RAET1G: variants seen among roughly 807,000 people sequenced by gnomAD.
RAET1G encodes the protein retinoic acid early transcript 1G.
A neutral mutation model predicts 29.5 loss-of-function variants in RAET1G; 25 were observed. That is an observed-to-expected ratio of 0.85 (90% CI 0.62 to 1.18). The LOEUF (loss-of-function observed/expected upper bound fraction) is 1.18, where lower values mean the gene tolerates loss of function less well. RAET1G is among the 50% of genes most tolerant of loss of function. The probability of loss-of-function intolerance (pLI) is 0.00; values close to 1 mark genes in which losing one functional copy is unlikely to be tolerated. For missense variants in RAET1G, 434 were observed against 423.6 expected, an observed-to-expected ratio of 1.02 and a Z score of -0.22; for synonymous variants, 167 against 159.5, an observed-to-expected ratio of 1.05 and a Z score of -0.36.
At chr6:149,918,408 C>T (rs1223760621) in intron 3 of RAET1G, 24 bp from the exon 4 acceptor site, 1 of 1,609,084 alleles carries the variant, frequency 6.2e-7, no homozygotes, top group South Asian at 1.1e-5. Context: ...ACAAGAGTGA[C>T]AACCCTTGTC....
rs532143187 is a variant in RAET1G, at chr6:149,922,960, G to A, written c.51C>T (p.Leu17=). 2.1e-4 allele frequency: 331 copies of A among 1,605,518 alleles called. 2 individuals carry two copies. The South Asian group carries it at 3.6e-3, about 17-fold the overall frequency. The change falls in exon 1 of 5, where the codon CTC becomes CTT. Residue 17 remains leucine, a synonymous_variant. Coordinates refer to ENST00000367360, the MANE Select transcript of RAET1G (RefSeq NM_001001788.4). ...PAFLLRLPLL[L]LLSSWCRTGL... The stretch of plus-strand genomic sequence containing the variant: ...CGGTCCTGCACCAGCTGGACAGCAG[G>A]AGCAGAAGCGGGAGGCGTAGAAGGA...
chr6:149,920,867 CAG>C (rs1562480281), intron 1 of RAET1G, among the ~76,000 whole-genome samples: 1 of 152,130 alleles, frequency 6.6e-6, no homozygotes, highest in Non-Finnish European at 1.5e-5. Context: ...TTACAAGAAA[CAG>C]AGATAAAACA....
intron 1 of RAET1G, among the ~76,000 whole-genome samples, chr6:149,922,607 T>G (rs1778620544): frequency 6.6e-6 from 1 of 152,174 alleles, no homozygotes; most frequent in Admixed American, 6.5e-5. Context: ...GGGGCTCTGG[T>G]TTCTCCTTCC....
Position 149,916,988 on chromosome 6 carries a change from G to T in RAET1G, c.929C>A (p.Pro310His). 6.4e-7 allele frequency: 1 copy of T among 1,550,764 alleles called. No individual in the cohort carries two copies. Among genetic ancestry groups the T allele is most frequent in the Non-Finnish European group, 8.7e-7 (1 of 1,146,466 alleles). ...TATTGTATACAAGGCAAGAGGGCAGGGTAAGGAGTGTGAGTCGTCTCCAAT... is the reference window on the plus strand; with the variant it reads ...TATTGTATACAAGGCAAGAGGGCAGTGTAAGGAGTGTGAGTCGTCTCCAAT... ...PIIGDDSHSL[P>H]CPLALYTINN... Residue 310 changes from proline (P) to histidine (H), a missense_variant, in exon 5 of 5, where the codon CCC becomes CAC. Coordinates refer to ENST00000367360, the MANE Select transcript of RAET1G (RefSeq NM_001001788.4).
chr6:149,917,275 A>G (rs1778466091), intron 4 of RAET1G, among the ~76,000 whole-genome samples: 1 of 152,252 alleles, frequency 6.6e-6, no homozygotes, highest in Admixed American at 6.5e-5. Flanking sequence ...GGCTGCGGGC[A>G]GGCTTGACTG....
chr6:149,922,892 C>T, intron 1 of RAET1G, 34 bp downstream of exon 1: 1 of 1,521,060 alleles, frequency 6.6e-7, no homozygotes, highest in Non-Finnish European at 9.0e-7. Flanking sequence ...CACGGTTGGC[C>T]TCCGCCCCGC....
In RAET1G at chr6:149,919,334, T is replaced by C. The variant is rs1435701981; in HGVS notation, c.350-10A>G. The C allele has an allele frequency of 1.2e-6, 2 of 1,611,228 alleles. No homozygotes were observed. The highest frequency in any genetic ancestry group is 2.7e-5 in the African/African-American group (2 of 74,920). Reference sequence around the variant, plus strand: ...TGCAGGGTGAGGGGTTCTGCCCCCATCAAAGAGAGATCAGCTCTGGCCTTG... The same window carrying C: ...TGCAGGGTGAGGGGTTCTGCCCCCACCAAAGAGAGATCAGCTCTGGCCTTG... On this transcript the variant is annotated splice_polypyrimidine_tract_variant and intron_variant, in intron 2 of 4. Coordinates refer to ENST00000367360, the MANE Select transcript of RAET1G (RefSeq NM_001001788.4).
rs751786480 is a variant in RAET1G at position 149,919,268 on chromosome 6, T to C, written c.406A>G (p.Ser136Gly). 1.2e-6 allele frequency: 2 copies of C among 1,614,122 alleles called. No homozygotes were observed. The highest frequency in any genetic ancestry group is 1.7e-6 in the Non-Finnish European group (2 of 1,180,048). Reference protein sequence around the residue: ...SCEQKAEGHGSGSWQLSFDGQ... With the variant: ...SCEQKAEGHGGGSWQLSFDGQ... ...TCGAAACTGAGCTGCCAAGATCCACTGCCGTGTCCTTCGGCTTTCTGCTCA... is the reference window on the plus strand; with the variant it reads ...TCGAAACTGAGCTGCCAAGATCCACCGCCGTGTCCTTCGGCTTTCTGCTCA... The change falls in exon 3 of 5, where the codon AGT (serine) becomes GGT (glycine). Residue 136 changes from serine to glycine, a missense_variant. Transcript: ENST00000367360.
chr6:149,918,256 G>A lies in RAET1G; in HGVS notation c.760C>T (p.His254Tyr), dbSNP rs1323104363. 1.2e-6 allele frequency: 2 copies of A among 1,614,184 alleles called. No individual in the cohort carries two copies. The highest frequency in any genetic ancestry group is 1.3e-5 in the African/African-American group (1 of 75,046). ...GGAGGAGGCTGCAGGGACTGAGGGTGGTGGCCATGGCTTTGGGTCAGACTG... is the reference window on the plus strand; with the variant it reads ...GGAGGAGGCTGCAGGGACTGAGGGTAGTGGCCATGGCTTTGGGTCAGACTG... ...RHSLTQSHGH[H>Y]PQSLQPPPHP... The change falls in exon 4 of 5, where the codon CAC becomes TAC. Residue 254 changes from histidine to tyrosine, a missense_variant. By Grantham distance (83) the His-to-Tyr change is moderately conservative. Coordinates refer to ENST00000367360, the MANE Select transcript of RAET1G (RefSeq NM_001001788.4).
intron 1 of RAET1G, 60 bp downstream of exon 1, chr6:149,922,866 A>G (rs2114660847): frequency 8.0e-7 from 1 of 1,257,716 alleles, no homozygotes; most frequent in Non-Finnish European, 1.1e-6. Flanking sequence ...TCTGAAGCCC[A>G]CAGTCCACAG....
chr6:149,919,912 C>A (rs1752262864), intron 1 of RAET1G, 96 bp from the exon 2 acceptor site: 1 of 1,607,094 alleles, frequency 6.2e-7, no homozygotes, highest in Admixed American at 1.7e-5. Context: ...CTCTGGAGGG[C>A]TGGGCTGGCC....
At chr6:149,921,690 A>C (rs1778603813) in intron 1 of RAET1G, among the ~76,000 whole-genome samples, 1 of 152,276 alleles carries the variant, frequency 6.6e-6, no homozygotes, top group Non-Finnish European at 1.5e-5. Flanking sequence ...GCCACTCAGC[A>C]GCAAAGGAGG....
At position 149,919,627 on chromosome 6, in the gene RAET1G, G is replaced by T; in HGVS notation, c.275C>A (p.Pro92Gln). Residue 92 changes from proline to glutamine, a missense_variant, in exon 2 of 5, where the codon CCA (proline) becomes CAA (glutamine). Pro to Gln is a moderately conservative substitution (Grantham distance 76). Transcript: ENST00000367360. ...TATGTCCACCACCTCTCTCAGTACT[G>T]GGTTCTGTGCTTTCCAGGCCGTTGT... ...NVTTAWKAQN[P>Q]VLREVVDILT... 2 of 1,613,984 alleles carry T rather than the reference G, an allele frequency of 1.2e-6. No individual in the cohort carries two copies. Among genetic ancestry groups the T allele is most frequent in the South Asian group, 2.2e-5 (2 of 91,070 alleles).
At chr6:149,917,536 T>C (rs1011830763) in intron 4 of RAET1G, among the ~76,000 whole-genome samples, 1 of 152,234 alleles carries the variant, frequency 6.6e-6, no homozygotes, top group Non-Finnish European at 1.5e-5. Context: ...TGGGTTATAA[T>C]TGTGGAACAG....
chr6:149,918,305 C>A lies in RAET1G; in HGVS notation c.711G>T (p.Met237Ile). The A allele has an allele frequency of 6.2e-7, 1 of 1,613,804 alleles. No individual in the cohort carries two copies. Residue 237 changes from methionine (M) to isoleucine (I), a missense_variant, in exon 4 of 5, where the codon ATG (methionine) becomes ATT (isoleucine). Met to Ile is a conservative substitution (Grantham distance 10). Coordinates refer to ENST00000367360, the MANE Select transcript of RAET1G (RefSeq NM_001001788.4). ...TGTGCCTGGAGCATATGAGGAGACA[C>A]ATGATGAGGAGGCAGCAAAGGATGA... Reference protein sequence around the residue: ...TTLILCCLLIMCLLICSRHSL... With the variant: ...TTLILCCLLIICLLICSRHSL...
chr6:149,921,412 A>T (rs1483804876), intron 1 of RAET1G, among the ~76,000 whole-genome samples: 2 of 152,352 alleles, frequency 1.3e-5, no homozygotes. Flanking sequence ...TGGGGCCTTT[A>T]GCCATGGAAG....
In RAET1G at chr6:149,919,683, G is replaced by A. The variant is rs775929330; in HGVS notation, c.219C>T (p.Pro73=). ...HYDCGSKTVT[P]VSPLGKKLNV... Reference sequence around the variant, plus strand: ...TTAGTTTCTTCCCCAGGGGACTGACGGGTGTGACTGTCTTGCTGCCACAGT... The same window carrying A: ...TTAGTTTCTTCCCCAGGGGACTGACAGGTGTGACTGTCTTGCTGCCACAGT... The change falls in exon 2 of 5, where the codon CCC becomes CCT. Residue 73 remains proline, a synonymous_variant. Transcript: ENST00000367360. 4.2e-5 allele frequency: 67 copies of A among 1,613,848 alleles called. No homozygotes were observed. The highest frequency in any genetic ancestry group is 4.9e-5 in the Non-Finnish European group (58 of 1,179,870).
intron 4 of RAET1G, 24 bp from the exon 5 acceptor site, chr6:149,917,098 G>A: frequency 6.6e-7 from 1 of 1,523,584 alleles, no homozygotes; most frequent in Non-Finnish European, 8.8e-7. Flanking sequence ...AGAGAGGACA[G>A]CTTACGTCAT....
At position 149,922,967 on chromosome 6, in the gene RAET1G, A is replaced by G. The variant is rs1244007989; in HGVS notation, c.44T>C (p.Leu15Pro). ...GCACCAGCTGGACAGCAGGAGCAGA[A>G]GCGGGAGGCGTAGAAGGAACGCGGG... ...ASPAFLLRLP[L>P]LLLLSSWCRT... is the part of the protein sequence containing the mutation. The change falls in exon 1 of 5, where the codon CTT (leucine) becomes CCT (proline). Residue 15 changes from leucine (L) to proline (P), a missense_variant. Leu to Pro is a moderately conservative substitution (Grantham distance 98). Transcript: ENST00000367360. The G allele has an allele frequency of 1.9e-6, 3 of 1,606,360 alleles. No individual in the cohort carries two copies. Among genetic ancestry groups the G allele is most frequent in the African/African-American group, 2.7e-5 (2 of 74,872 alleles).
Sources: allele counts gnomAD v4.1 joint callset (sites outside exome capture counted in the v4.1 genomes callset), GRCh38; gene constraint gnomAD v4.1.1; transcripts MANE v1.5; gene names NCBI Gene and HGNC (gene_info 2026-07-23, HGNC 2026-07-21).